Variants in HPS5 observed in about 807,000 individuals in gnomAD.
The protein encoded by HPS5 is BLOC-2 complex member HPS5.
Under a neutral mutation model 128.0 loss-of-function variants are expected in HPS5, and 83 were observed. The observed-to-expected ratio is 0.65, with a 90% CI of 0.54 to 0.78. The LOEUF (loss-of-function observed/expected upper bound fraction) is 0.78. HPS5 is among the 30% of genes least tolerant of loss of function. The pLI is 0.00. For synonymous variants in HPS5, 475 were observed against 470.2 expected, an observed-to-expected ratio of 1.01 and a Z score of -0.13; for missense variants, 1,281 against 1,326.2, an observed-to-expected ratio of 0.97 and a Z score of 0.53.
chr11:18,321,010 T>C (rs1283155762), intron 1 of HPS5, among the ~76,000 whole-genome samples: 4 of 152,212 alleles, frequency 2.6e-5, no homozygotes, highest in African/African-American at 9.6e-5. Flanking sequence ...ACAATGGATA[T>C]AAAAAGTACC....
At chr11:18,311,746 G>C (rs1863041419) in intron 3 of HPS5, 168 bp downstream of exon 3, 1 of 679,124 alleles carries the variant, frequency 1.5e-6, no homozygotes, top group African/African-American at 1.8e-5. Flanking sequence ...CCTGACCTCA[G>C]GTAATCCATC....
intron 2 of HPS5, among the ~76,000 whole-genome samples, chr11:18,315,140 T>C (rs1362289030): frequency 1.3e-5 from 2 of 152,168 alleles, no homozygotes; most frequent in Non-Finnish European, 1.5e-5. Context: ...TTATTCAAAA[T>C]GTAAAGGGGT....
At chr11:18,308,676 C>T (rs1217395863) in intron 6 of HPS5, among the ~76,000 whole-genome samples, 1 of 151,974 alleles carries the variant, frequency 6.6e-6, no homozygotes, top group Non-Finnish European at 1.5e-5. Context: ...ATTAGCAGGG[C>T]ATGGTGGCAT....
chr11:18,292,561 G>A (rs542124128), intron 15 of HPS5, among the ~76,000 whole-genome samples: 35 of 152,272 alleles, frequency 2.3e-4, no homozygotes, highest in African/African-American at 8.2e-4. Context: ...CACTACTGAT[G>A]GACTCAGAAA....
rs17853184 is a variant in HPS5 at position 18,283,807 on chromosome 11, C to T, written c.3046G>A (p.Glu1016Lys). 2,611 of 1,607,104 alleles carry T rather than the reference C, an allele frequency of 1.6e-3. 8 individuals are homozygous for T. Among genetic ancestry groups the T allele is most frequent in the Middle Eastern group, 2.3e-3 (14 of 6,056 alleles). ...AGGATTGACATACCATTGTCCCCTTCCATCAGGCTCATATCATTCAGATAC... is the reference window on the plus strand; with the variant it reads ...AGGATTGACATACCATTGTCCCCTTTCATCAGGCTCATATCATTCAGATAC... The part of the protein sequence containing the change: ...IVYLNDMSLM[E>K]GDNGWIPETV... Residue 1016 changes from glutamate (E) to lysine (K), a missense_variant, in exon 21 of 23, where the codon GAA (glutamate) becomes AAA (lysine). Coordinates refer to ENST00000349215, the MANE Select transcript of HPS5 (RefSeq NM_181507.2).
chr11:18,279,003 T>G lies in HPS5; in HGVS notation c.*879A>C, dbSNP rs1488614109. On this transcript the variant is annotated 3_prime_UTR_variant, in exon 23 of 23. Transcript: ENST00000349215. The stretch of plus-strand genomic sequence containing the variant: ...TTTCTAAGAATGAATTAGTCAGCTG[T>G]ATATGGGTTCAGATTAGAAAATATT... 2 of 152,374 alleles carry G rather than the reference T, an allele frequency of 1.3e-5. No homozygotes were observed. Among genetic ancestry groups the G allele is most frequent in the African/African-American group, 4.8e-5 (2 of 41,580 alleles). The allele number at this position is 152,374 out of a possible 1,614,324, so 9.4% of individuals were successfully genotyped here.
At chr11:18,284,682 C>T (rs189599298) in intron 20 of HPS5, among the ~76,000 whole-genome samples, 31 of 152,284 alleles carry the variant, frequency 2.0e-4, no homozygotes, top group African/African-American at 6.5e-4. Flanking sequence ...AAATATGTAT[C>T]AAGTGCCTAC....
intron 2 of HPS5, among the ~76,000 whole-genome samples, chr11:18,316,563 T>C (rs1288252334): frequency 6.6e-6 from 1 of 152,176 alleles, no homozygotes; most frequent in Non-Finnish European, 1.5e-5. Context: ...ATTCAAAAGA[T>C]AGCTCAAAAA....
In HPS5 at chr11:18,296,110, T is replaced by C. The variant is rs760369654; in HGVS notation, c.1523A>G (p.His508Arg). The C allele has an allele frequency of 6.2e-7, 1 of 1,608,094 alleles. No individual in the cohort carries two copies. Among genetic ancestry groups the C allele is most frequent in the East Asian group, 2.2e-5 (1 of 44,820 alleles). ...GSHGNEDNVSHAPVMFETDKN... is the reference protein window; with the variant it reads ...GSHGNEDNVSRAPVMFETDKN... ...ATCTGTCTCAAACATCACTGGAGCA[T>C]GAGAAACATTGTCTAATGAATGGAA... is the stretch of plus-strand genomic sequence containing the variant. The change falls in exon 13 of 23, where the codon CAT becomes CGT. Residue 508 changes from histidine to arginine, a missense_variant. His to Arg is a conservative substitution (Grantham distance 29, BLOSUM62 0). Transcript: ENST00000349215.
Position 18,296,909 on chromosome 11 carries a change from A to C in HPS5, c.1399T>G (p.Ser467Ala). Residue 467 changes from serine (S) to alanine (A), a missense_variant, in exon 12 of 23, where the codon TCT becomes GCT. Ser to Ala is a moderately conservative substitution (Grantham distance 99). Coordinates refer to ENST00000349215, the MANE Select transcript of HPS5 (RefSeq NM_181507.2). ...AGGGTTTGGCTGTGAAGGGAGCAAG[A>C]GTCTTCATCTGACTGACTGCCTCTT... ...SRRGSQSDED[S>A]CSLHSQTLSE... is the part of the protein sequence containing the mutation. 1 of 1,611,784 alleles carries C rather than the reference A, an allele frequency of 6.2e-7. No individual in the cohort carries two copies. Among genetic ancestry groups the C allele is most frequent in the South Asian group, 1.1e-5 (1 of 91,056 alleles).
intron 19 of HPS5, 63 bp downstream of exon 19, chr11:18,286,528 T>G: frequency 3.2e-5 from 48 of 1,500,242 alleles, no homozygotes; most frequent in Non-Finnish European, 3.8e-5. Context: ...GGCGACAGAG[T>G]GAGATCCTGT....
At position 18,305,482 on chromosome 11, in the gene HPS5, TGA is replaced by T; in HGVS notation, c.834_835del (p.Gln279ValfsTer2). Reference sequence around the variant, plus strand: ...GGAGGATCCAGCTGTATGATCATACTGAGGTTCTGATCTAGAAAGTAAACACA... The same window carrying T: ...GGAGGATCCAGCTGTATGATCATACTGGTTCTGATCTAGAAAGTAAACACA... On this transcript the variant is annotated frameshift_variant, in exon 8 of 23. Transcript: ENST00000349215. LOFTEE classifies it high-confidence loss of function. 2 of 1,604,886 alleles carry T rather than the reference TGA, an allele frequency of 1.2e-6. No individual in the cohort carries two copies. Among genetic ancestry groups the T allele is most frequent in the Non-Finnish European group, 1.7e-6 (2 of 1,171,838 alleles).
intron 8 of HPS5, among the ~76,000 whole-genome samples, chr11:18,302,996 G>A (rs1343459827): frequency 2.0e-5 from 3 of 152,074 alleles, no homozygotes; most frequent in Admixed American, 1.3e-4. Context: ...TACATTCCTT[G>A]TCCCCTTATC....
rs200529277 is a variant in HPS5, at chr11:18,285,428, T to A, written c.2869A>T (p.Ser957Cys). 8 of 1,613,246 alleles carry A rather than the reference T, an allele frequency of 5.0e-6. No homozygotes were observed. In the Admixed American group the frequency reaches 1.0e-4, roughly 20 times the overall value. ...TTAATTAGATGAAGGATCAGCTGAC[T>A]GTAACCCCAGGAAAGCAAGTGTGAA... is the stretch of plus-strand genomic sequence containing the variant. ...PHSHLLSWGYSQLILHLIKLP... is the reference protein window; with the variant it reads ...PHSHLLSWGYCQLILHLIKLP... The change falls in exon 20 of 23, where the codon AGT becomes TGT. Residue 957 changes from serine (S) to cysteine (C), a missense_variant. Ser to Cys is a moderately radical substitution (Grantham distance 112). Coordinates refer to ENST00000349215, the MANE Select transcript of HPS5 (RefSeq NM_181507.2).
In HPS5 at chr11:18,296,828, C is replaced by A. The variant is rs762292971; in HGVS notation, c.1480G>T (p.Asp494Tyr). ...TTTCCGTGTGAGCCACAACACTGAT[C>A]TGGCAGGTCCTCTTCCTGCTGTGAG... is the stretch of plus-strand genomic sequence containing the variant. ...FTSQQEEDLP[D>Y]QCCGSHGNED... The change falls in exon 12 of 23, where the codon GAT becomes TAT. Residue 494 changes from aspartate to tyrosine, a missense_variant. Physicochemically the swap from Asp to Tyr is radical, Grantham distance 160. Transcript: ENST00000349215. 3.0e-5 allele frequency: 48 copies of A among 1,614,028 alleles called. No individual in the cohort carries two copies. The highest frequency in any genetic ancestry group is 4.0e-5 in the Non-Finnish European group (47 of 1,180,006).
chr11:18,289,215 T>C (rs1196638921), intron 16 of HPS5, among the ~76,000 whole-genome samples: 2 of 152,210 alleles, frequency 1.3e-5, no homozygotes, highest in South Asian at 2.1e-4. Context: ...CCCAGTCTCA[T>C]TGTTTCCCAT....
intron 22 of HPS5, chr11:18,280,600 A>G: frequency 1.4e-6 from 1 of 699,942 alleles, no homozygotes; most frequent in East Asian, 2.7e-5. Context: ...TATTCATAGC[A>G]GCGTTATTCA....
chr11:18,321,379 C>T (rs1434689716), intron 1 of HPS5, among the ~76,000 whole-genome samples: 1 of 152,154 alleles, frequency 6.6e-6, no homozygotes, highest in African/African-American at 2.4e-5. Context: ...CAAAACCCTA[C>T]CTTTCTGCAA....
chr11:18,291,936 T>A lies in HPS5; in HGVS notation c.1946A>T (p.Lys649Ile). 4 of 1,608,788 alleles carry A rather than the reference T, an allele frequency of 2.5e-6. No individual in the cohort carries two copies. The highest frequency in any genetic ancestry group is 3.4e-6 in the Non-Finnish European group (4 of 1,178,712). The change falls in exon 16 of 23, where the codon AAA becomes ATA. Residue 649 changes from lysine (K) to isoleucine (I), a missense_variant. Coordinates refer to ENST00000349215, the MANE Select transcript of HPS5 (RefSeq NM_181507.2). ...TGAAAAGTCCTTCATGGCAAATGTT[T>A]TTTCTAAATGTGAAAGCCACTCCTG... ...VLQEWLSHLEKTFAMKDFSGV... is the reference protein window; with the variant it reads ...VLQEWLSHLEITFAMKDFSGV...
Sources: allele counts gnomAD v4.1 joint callset (sites outside exome capture counted in the v4.1 genomes callset), GRCh38; gene constraint gnomAD v4.1.1; transcripts MANE v1.5; gene names NCBI Gene and HGNC (gene_info 2026-07-23, HGNC 2026-07-21).